RUNX1: variants seen among roughly 807,000 people sequenced by gnomAD.
RUNX1 encodes the protein RUNX family transcription factor 1, also known as runt-related transcription factor 1.
Under a neutral mutation model 42.8 loss-of-function variants are expected in RUNX1, and 19 were observed. That is an observed-to-expected ratio of 0.44 (90% confidence interval 0.31 to 0.65). The LOEUF (loss-of-function observed/expected upper bound fraction) is 0.65, where lower values mean the gene tolerates loss of function less well. Ranked by LOEUF, RUNX1 falls within the 30% of genes least tolerant of loss-of-function variation. The pLI, the probability that RUNX1 is intolerant of heterozygous loss-of-function variation, is 0.07. For synonymous variants in RUNX1, 271 were observed against 289.4 expected, an observed-to-expected ratio of 0.94 and a Z score of 0.64; for missense variants, 528 against 672.0, an observed-to-expected ratio of 0.79 and a Z score of 2.37.
At chr21:34,873,932 G>A (rs1044847847) in intron 5 of RUNX1, among the ~76,000 whole-genome samples, 13 of 152,178 alleles carry the variant, frequency 8.5e-5, no homozygotes, top group African/African-American at 2.7e-4. Context: ...CCCATGCCCC[G>A]CCAGGGAGCC....
intron 7 of RUNX1, chr21:34,834,065 T>C (rs1279550431): frequency 4.2e-6 from 2 of 476,188 alleles, no homozygotes; most frequent in Non-Finnish European, 8.0e-6. Flanking sequence ...GCCTAATGGG[T>C]AGGTAAAAAA....
chr21:34,985,212 C>T (rs1210666839), intron 2 of RUNX1, among the ~76,000 whole-genome samples: 2 of 152,144 alleles, frequency 1.3e-5, no homozygotes, highest in African/African-American at 2.4e-5. Flanking sequence ...ATTGATGGGT[C>T]CTTCATTTCC....
intron 2 of RUNX1, among the ~76,000 whole-genome samples, chr21:35,017,102 G>A (rs1042377548): frequency 1.3e-5 from 2 of 152,102 alleles, no homozygotes; most frequent in East Asian, 3.9e-4. Context: ...TGTGATTTAG[G>A]AGGTATGAAG....
chr21:34,962,458 A>C (rs1424230125), intron 2 of RUNX1, among the ~76,000 whole-genome samples: 1 of 152,216 alleles, frequency 6.6e-6, no homozygotes, highest in Non-Finnish European at 1.5e-5. Flanking sequence ...ATAAAAGATA[A>C]TATCACCAAA....
chr21:35,039,451 AAAAT>A (rs913714820), intron 2 of RUNX1, among the ~76,000 whole-genome samples: 121 of 152,310 alleles, frequency 7.9e-4, no homozygotes, highest in African/African-American at 2.9e-3. Context: ...TAGATTTTAA[AAAAT>A]AAAGTTATAT....
intron 5 of RUNX1, among the ~76,000 whole-genome samples, chr21:34,868,256 G>A (rs762594304): frequency 5.3e-5 from 8 of 152,152 alleles, no homozygotes; most frequent in Non-Finnish European, 1.2e-4. Flanking sequence ...GGCGCTGCTT[G>A]AAAGGAGAAA....
chr21:35,047,602 A>G (rs555389614), intron 2 of RUNX1, among the ~76,000 whole-genome samples: 1 of 91,536 alleles, frequency 1.1e-5, no homozygotes, highest in South Asian at 3.2e-4. Context: ...CTCTCTCATC[A>G]AGTTTTTTAA....
At position 34,790,199 on chromosome 21, in the gene RUNX1, T is replaced by C. The variant is rs2056416999; in HGVS notation, c.*1936A>G. The C allele has an allele frequency of 8.6e-6, 2 of 233,292 alleles. No individual in the cohort carries two copies. Among genetic ancestry groups the C allele is most frequent in the South Asian group, 3.6e-4 (2 of 5,526 alleles). The allele number at this position is 233,292 out of a possible 1,614,324, so 14.5% of individuals were successfully genotyped here. Reference sequence around the variant, plus strand: ...TACTCTTTAACTCTTACCAAAGTGCTACTGCATGTGTGTAAAACAAATAAT... The same window carrying C: ...TACTCTTTAACTCTTACCAAAGTGCCACTGCATGTGTGTAAAACAAATAAT... On this transcript the variant is annotated 3_prime_UTR_variant, in exon 9 of 9. Transcript: ENST00000675419.
At chr21:34,808,779 G>C (rs1241912813) in intron 7 of RUNX1, among the ~76,000 whole-genome samples, 1 of 152,198 alleles carries the variant, frequency 6.6e-6, no homozygotes, top group Non-Finnish European at 1.5e-5. Flanking sequence ...AGATGAGTCT[G>C]AGACACGTCT....
chr21:34,825,182 G>A (rs905790397), intron 7 of RUNX1, among the ~76,000 whole-genome samples: 5 of 152,178 alleles, frequency 3.3e-5, no homozygotes, highest in African/African-American at 1.2e-4. Context: ...GGCTTTGGGA[G>A]GTCAAATTCT....
In RUNX1 at chr21:34,859,567, T is replaced by A. The variant is rs2146236766; in HGVS notation, c.520A>T (p.Thr174Ser). 6.2e-7 allele frequency: 1 copy of A among 1,613,892 alleles called. No homozygotes were observed. The highest frequency in any genetic ancestry group is 8.5e-7 in the Non-Finnish European group (1 of 1,179,816). Residue 174 changes from threonine to serine, a missense_variant, in exon 6 of 9, where the codon ACT (threonine) becomes TCT (serine). Coordinates refer to ENST00000675419, the MANE Select transcript of RUNX1 (RefSeq NM_001754.5). Reference protein sequence around the residue: ...VGRSGRGKSFTLTITVFTNPP... With the variant: ...VGRSGRGKSFSLTITVFTNPP... ...TTTGTGAAGACAGTGATGGTCAGAG[T>A]GAAGCTTTTCCCTGTGGGGACACGA...
At chr21:34,832,115 A>C (rs1173990846) in intron 7 of RUNX1, among the ~76,000 whole-genome samples, 1 of 152,218 alleles carries the variant, frequency 6.6e-6, no homozygotes, top group East Asian at 1.9e-4. Flanking sequence ...TGATTTCTTA[A>C]ATGTTGCAGA....
At chr21:34,877,597 T>C (rs1400726051) in intron 5 of RUNX1, among the ~76,000 whole-genome samples, 1 of 151,988 alleles carries the variant, frequency 6.6e-6, no homozygotes, top group Non-Finnish European at 1.5e-5. Context: ...AAGGAGGGAA[T>C]GGAAGAAAAG....
chr21:34,934,094 G>C (rs1569112488), intron 2 of RUNX1, among the ~76,000 whole-genome samples: 1 of 152,162 alleles, frequency 6.6e-6, no homozygotes, highest in Non-Finnish European at 1.5e-5. Flanking sequence ...AGACACAGCA[G>C]ATTCGTACAG....
chr21:34,821,610 G>GA (rs1483137969), intron 7 of RUNX1: 12 of 1,553,082 alleles, frequency 7.7e-6, no homozygotes, highest in Non-Finnish European at 1.0e-5. Context: ...GGATGAGATG[G>GA]AAAAGATAGC....
intron 6 of RUNX1, among the ~76,000 whole-genome samples, chr21:34,852,264 C>A (rs1468645831): frequency 6.6e-6 from 1 of 152,178 alleles, no homozygotes; most frequent in Non-Finnish European, 1.5e-5. Context: ...CAAGAATACA[C>A]AGGCCACGCC....
chr21:34,889,754 G>GGGCCCC (rs2058056244), intron 3 of RUNX1: 3 of 1,161,158 alleles, frequency 2.6e-6, no homozygotes, highest in Non-Finnish European at 2.1e-6. Flanking sequence ...GGAGCTCGGA[G>GGGCCCC]GGCCCCGCCC....
At chr21:34,948,758 C>A (rs946400552) in intron 2 of RUNX1, among the ~76,000 whole-genome samples, 1 of 150,912 alleles carries the variant, frequency 6.6e-6, no homozygotes, top group African/African-American at 2.4e-5. Context: ...TTTCCTTTTT[C>A]TTTTGAGATG....
chr21:34,937,857 A>T (rs1475854398), intron 2 of RUNX1, among the ~76,000 whole-genome samples: 1 of 152,160 alleles, frequency 6.6e-6, no homozygotes, highest in Non-Finnish European at 1.5e-5. Context: ...TCTTTTTCTA[A>T]AATTGTTTTC....
Sources: allele counts gnomAD v4.1 joint callset (sites outside exome capture counted in the v4.1 genomes callset), GRCh38; gene constraint gnomAD v4.1.1; transcripts MANE v1.5; gene names NCBI Gene and HGNC (gene_info 2026-07-23, HGNC 2026-07-21).